FCRL1: variants seen among roughly 807,000 people sequenced by gnomAD.
FCRL1 encodes Fc receptor like 1.
Under a neutral mutation model 49.2 loss-of-function variants are expected in FCRL1, and 34 were observed. The ratio of observed to expected loss-of-function variants is 0.69; its 90% CI spans 0.53 to 0.92. The LOEUF is 0.92. Among genes scored for constraint, FCRL1 ranks in the 40% least tolerant of loss-of-function variants. The pLI is 0.00. For missense variants in FCRL1, 524 were observed against 524.1 expected (o/e 1.00, Z 0.00); for synonymous variants, 218 against 201.6 (o/e 1.08, Z -0.69).
intron 7 of FCRL1, among the ~76,000 whole-genome samples, chr1:157,799,615 G>A (rs747873074): frequency 6.6e-6 from 1 of 151,662 alleles, no homozygotes; most frequent in Non-Finnish European, 1.5e-5. Flanking sequence ...GCTGGAAGGG[G>A]AACATCACAC....
At chr1:157,801,038 T>C (rs1652365368) in intron 6 of FCRL1, among the ~76,000 whole-genome samples, 2 of 152,186 alleles carry the variant, frequency 1.3e-5, no homozygotes, top group South Asian at 4.1e-4. Context: ...ATTACAGGCA[T>C]GCATCACCAC....
chr1:157,808,411 T>C (rs1350068173), intron 1 of FCRL1, among the ~76,000 whole-genome samples: 1 of 152,122 alleles, frequency 6.6e-6, no homozygotes, highest in Non-Finnish European at 1.5e-5. Flanking sequence ...AAACAAGCCT[T>C]CTGAATATTT....
At chr1:157,812,450 G>GT (rs1273581636) in intron 1 of FCRL1, among the ~76,000 whole-genome samples, 2 of 152,106 alleles carry the variant, frequency 1.3e-5, no homozygotes, top group African/African-American at 4.8e-5. Flanking sequence ...CTCTCTCCTG[G>GT]TGCCTAAGTT....
At chr1:157,804,762 C>T (rs1273723573) in intron 2 of FCRL1, among the ~76,000 whole-genome samples, 1 of 152,306 alleles carries the variant, frequency 6.6e-6, no homozygotes, top group East Asian at 1.9e-4. Context: ...TCTTTACAAA[C>T]CTCTGTAGAA....
intron 3 of FCRL1, 95 bp from the exon 4 acceptor site, chr1:157,802,759 G>A: frequency 1.5e-6 from 2 of 1,315,396 alleles, no homozygotes; most frequent in Middle Eastern, 2.6e-4. Context: ...AAGAGCATGA[G>A]TGAAGTCAAT....
At chr1:157,817,886 C>A (rs1414074859) in intron 1 of FCRL1, among the ~76,000 whole-genome samples, 1 of 151,944 alleles carries the variant, frequency 6.6e-6, no homozygotes, top group Non-Finnish European at 1.5e-5. Context: ...TGCAAATGGC[C>A]AACAGGTATA....
rs1017959327 is a variant in FCRL1 at position 157,797,658 on chromosome 1, C to T, written c.1186+210G>A. The stretch of plus-strand genomic sequence containing the variant: ...CTATAATTTAAGAAATTTGACAGCC[C>T]ATCCCCAGGGGAAAGAAAGAACCTT... On this transcript the variant is annotated intron_variant, in intron 9 of 10. Transcript: ENST00000368176. 4 of 1,291,844 alleles carry T rather than the reference C, an allele frequency of 3.1e-6. No individual in the cohort carries two copies. The African/African-American group carries it at 4.4e-5, about 14-fold the overall frequency. The allele number at this position is 1,291,844 out of a possible 1,614,324, so 80.0% of individuals were successfully genotyped here.
chr1:157,813,667 G>T (rs975800033), intron 1 of FCRL1, among the ~76,000 whole-genome samples: 1 of 152,152 alleles, frequency 6.6e-6, no homozygotes, highest in Non-Finnish European at 1.5e-5. Flanking sequence ...GTTTTGGAAA[G>T]CATATTTGAT....
intron 1 of FCRL1, among the ~76,000 whole-genome samples, chr1:157,819,234 T>C (rs554422756): frequency 6.6e-6 from 1 of 152,256 alleles, no homozygotes; most frequent in East Asian, 1.9e-4. Flanking sequence ...GGCATTGCTG[T>C]TGGCTACCTG....
chr1:157,814,937 A>G (rs1366246720), intron 1 of FCRL1, among the ~76,000 whole-genome samples: 4 of 152,008 alleles, frequency 2.6e-5, no homozygotes, highest in African/African-American at 7.2e-5. Flanking sequence ...ATCCAACACT[A>G]GAGCACCCAA....
chr1:157,797,300 G>A (rs939311569), intron 9 of FCRL1, among the ~76,000 whole-genome samples, 168 bp from the exon 10 acceptor site: 1 of 152,182 alleles, frequency 6.6e-6, no homozygotes, highest in Non-Finnish European at 1.5e-5. Flanking sequence ...TCCCTTAGTA[G>A]CCAGAGGAAA....
Position 157,801,501 on chromosome 1 carries a change from G to A in FCRL1, c.963C>T (p.Thr321=), listed in dbSNP as rs138413578. 6.8e-5 allele frequency: 109 copies of A among 1,613,816 alleles called. 1 individual carries two copies. The Middle Eastern group carries it at 2.0e-3, about 29-fold the overall frequency. The change falls in exon 6 of 11, where the codon ACC becomes ACT. Residue 321 remains threonine, a synonymous_variant. Coordinates refer to ENST00000368176, the MANE Select transcript of FCRL1 (RefSeq NM_052938.5). ...EGLLSTLGPA[T]VALLFCYGLK... ...GGCCGTAGCAAAATAATAAGGCCAC[G>A]GTGGCTGGACCAAGGGTGCTGAGCA...
intron 1 of FCRL1, among the ~76,000 whole-genome samples, chr1:157,809,452 C>T (rs1653985603): frequency 6.6e-6 from 1 of 152,070 alleles, no homozygotes; most frequent in African/African-American, 2.4e-5. Context: ...AAAAAAACCA[C>T]AAATGATTTG....
At chr1:157,807,359 C>T (rs1484553180) in intron 1 of FCRL1, among the ~76,000 whole-genome samples, 1 of 152,064 alleles carries the variant, frequency 6.6e-6, no homozygotes, top group Non-Finnish European at 1.5e-5. Context: ...CTCCTTTTCC[C>T]ATATTCTGCA....
Position 157,797,885 on chromosome 1 carries a change from T to C in FCRL1, c.1169A>G (p.Glu390Gly). ...VYSLAYYNQP[E>G]QESVAAETLG... ...TGTCTCACCTGCTACTGATTCCTGC[T>C]CCGGCTGGTTATAGTACGCCAGTGA... The change falls in exon 9 of 11, where the codon GAG (glutamate) becomes GGG (glycine). Residue 390 changes from glutamate (E) to glycine (G), a missense_variant. Coordinates refer to ENST00000368176, the MANE Select transcript of FCRL1 (RefSeq NM_052938.5). 4 of 1,614,166 alleles carry C rather than the reference T, an allele frequency of 2.5e-6. No individual in the cohort carries two copies. The highest frequency in any genetic ancestry group is 3.4e-6 in the Non-Finnish European group (4 of 1,180,024).
At chr1:157,817,586 T>TG (rs1393518218) in intron 1 of FCRL1, among the ~76,000 whole-genome samples, 1 of 151,906 alleles carries the variant, frequency 6.6e-6, no homozygotes, top group Non-Finnish European at 1.5e-5. Context: ...GAGAAAACAT[T>TG]GGGGAAAGCT....
rs558196519 is a variant in FCRL1 at position 157,798,062 on chromosome 1, G to A, written c.1114+99C>T. ...AGTCATTTGTTTGTAGCAGAGGCTA[G>A]GGCACAGCAAAGTCAGGTTTGGCTA... On this transcript the variant is annotated intron_variant, in intron 8 of 10. Coordinates refer to ENST00000368176, the MANE Select transcript of FCRL1 (RefSeq NM_052938.5). 26 of 1,498,432 alleles carry A rather than the reference G, an allele frequency of 1.7e-5. No individual in the cohort carries two copies. The South Asian group carries it at 2.3e-4, about 13-fold the overall frequency. The allele number at this position is 1,498,432 out of a possible 1,614,324, so 92.8% of individuals were successfully genotyped here. A position where few individuals can be genotyped will look rare whatever the true frequency, so the allele number is the denominator to read the frequency against.
At chr1:157,801,819 T>G in intron 5 of FCRL1, 96 bp downstream of exon 5, 1 of 1,447,634 alleles carries the variant, frequency 6.9e-7, no homozygotes, top group South Asian at 1.3e-5. Context: ...CCACCATGGG[T>G]AGCAAACCCC....
intron 1 of FCRL1, among the ~76,000 whole-genome samples, chr1:157,818,333 T>C (rs1655332915): frequency 6.6e-6 from 1 of 151,866 alleles, no homozygotes; most frequent in African/African-American, 2.4e-5. Flanking sequence ...TAAAAAATAA[T>C]GAAATCCTAT....
Sources: allele counts gnomAD v4.1 joint callset (sites outside exome capture counted in the v4.1 genomes callset), GRCh38; gene constraint gnomAD v4.1.1; transcripts MANE v1.5; gene names NCBI Gene and HGNC (gene_info 2026-07-23, HGNC 2026-07-21).